SAPCD2: variants seen among roughly 807,000 people sequenced by gnomAD.
SAPCD2 encodes the protein suppressor APC domain-containing protein 2.
Under a neutral mutation model 37.8 loss-of-function variants are expected in SAPCD2, and 34 were observed. The observed-to-expected ratio is 0.90, with a 90% CI of 0.68 to 1.20. The LOEUF (loss-of-function observed/expected upper bound fraction) is 1.20. SAPCD2 is among the 50% of genes most tolerant of loss of function. The pLI is 0.00. For missense variants in SAPCD2, 572 were observed against 584.7 expected (o/e 0.98, Z 0.22); for synonymous variants, 275 against 270.3 (o/e 1.02, Z -0.17).
intron 1 of SAPCD2, among the ~76,000 whole-genome samples, chr9:137,069,044 G>A (rs968166223): frequency 1.3e-5 from 2 of 152,248 alleles, no homozygotes; most frequent in African/African-American, 4.8e-5. Flanking sequence ...GGGACCGGCA[G>A]GAGCCACCGG....
chr9:137,064,012 T>C lies in SAPCD2; in HGVS notation c.*647A>G, dbSNP rs1199829688. ...CACCCCAGGGTCTGTGGGAGGCACA[T>C]GCAGGCCAAGCTCTCGCCCACCCGG... On this transcript the variant is annotated 3_prime_UTR_variant, in exon 6 of 6. Transcript: ENST00000409687. 1 of 159,360 alleles carries C rather than the reference T, an allele frequency of 6.3e-6. No homozygotes were observed. Among genetic ancestry groups the C allele is most frequent in the African/African-American group, 2.4e-5 (1 of 41,444 alleles). 9.9% of individuals were successfully genotyped at this position (159,360 alleles called of 1,614,324 possible).
rs1408682082 is a variant in SAPCD2 at position 137,064,332 on chromosome 9, G to A, written c.*327C>T. Reference sequence around the variant, plus strand: ...TGAAGATGGGACCCAGGGCGGCACCGCTGGAAACGGGGGGACGCTAACTCA... The same window carrying A: ...TGAAGATGGGACCCAGGGCGGCACCACTGGAAACGGGGGGACGCTAACTCA... On this transcript the variant is annotated 3_prime_UTR_variant, in exon 6 of 6. Coordinates refer to ENST00000409687, the MANE Select transcript of SAPCD2 (RefSeq NM_178448.4). The A allele has an allele frequency of 7.5e-6, 3 of 398,674 alleles. No individual in the cohort carries two copies. Among genetic ancestry groups the A allele is most frequent in the Non-Finnish European group, 1.4e-5 (3 of 217,066 alleles). 24.7% of individuals were successfully genotyped at this position (398,674 alleles called of 1,614,324 possible). A position where few individuals can be genotyped will look rare whatever the true frequency, so the allele number is the denominator to read the frequency against.
chr9:137,068,882 G>C (rs552258732), intron 1 of SAPCD2, among the ~76,000 whole-genome samples: 1 of 152,250 alleles, frequency 6.6e-6, no homozygotes, highest in African/African-American at 2.4e-5. Context: ...CCTCACCATA[G>C]AACTAGGGGT....
chr9:137,068,786 G>A (rs566463270), intron 1 of SAPCD2, among the ~76,000 whole-genome samples: 2 of 152,226 alleles, frequency 1.3e-5, no homozygotes, highest in Non-Finnish European at 2.9e-5. Context: ...CGGCCACAGC[G>A]TGCAATCCCA....
chr9:137,065,475 T>TG (rs999623548), intron 3 of SAPCD2, 47 bp downstream of exon 3: 82 of 1,541,742 alleles, frequency 5.3e-5, no homozygotes, highest in Non-Finnish European at 7.0e-5. Flanking sequence ...TGGGGTGAGC[T>TG]GGGGTCCCCA....
Position 137,069,930 on chromosome 9 carries a change from G to T in SAPCD2, c.531C>A (p.Ser177=). The change falls in exon 1 of 6, where the codon TCC becomes TCA. Residue 177 remains serine, a synonymous_variant. Transcript: ENST00000409687. The stretch of plus-strand genomic sequence containing the variant: ...AGCTCGGTTCCAGCGCCGCGCTCTG[G>T]GACCGCTCGGGCTCCGCGGGGCAGG... ...AAPCPAEPER[S]QSAALEPSSS... is the part of the protein sequence containing the mutation. 1 of 1,279,650 alleles carries T rather than the reference G, an allele frequency of 7.8e-7. No homozygotes were observed. Among genetic ancestry groups the T allele is most frequent in the South Asian group, 2.5e-5 (1 of 39,846 alleles). The allele number at this position is 1,279,650 out of a possible 1,614,324, so 79.3% of individuals were successfully genotyped here.
intron 1 of SAPCD2, among the ~76,000 whole-genome samples, 189 bp downstream of exon 1, chr9:137,069,701 C>T (rs563019335): frequency 2.0e-5 from 3 of 152,324 alleles, no homozygotes; most frequent in South Asian, 4.1e-4. Context: ...CCCCTGGGCT[C>T]ACCGCGACAA....
rs1832612302 is a variant in SAPCD2 at position 137,070,556 on chromosome 9, G to T, written c.-96C>A. The stretch of plus-strand genomic sequence containing the variant: ...GCGAGCTCAGCCCACGGCGACAATA[G>T]CGACTACTTTTGAATGGGGCCCTCC... On this transcript the variant is annotated 5_prime_UTR_variant, in exon 1 of 6. Coordinates refer to ENST00000409687, the MANE Select transcript of SAPCD2 (RefSeq NM_178448.4). 1 of 772,624 alleles carries T rather than the reference G, an allele frequency of 1.3e-6. No homozygotes were observed. Among genetic ancestry groups the T allele is most frequent in the African/African-American group, 1.8e-5 (1 of 54,470 alleles). The allele number at this position is 772,624 out of a possible 1,614,324, so 47.9% of individuals were successfully genotyped here. A position where few individuals can be genotyped will look rare whatever the true frequency, so the allele number is the denominator to read the frequency against.
intron 1 of SAPCD2, 129 bp downstream of exon 1, chr9:137,069,761 G>C: frequency 4.8e-6 from 3 of 623,406 alleles, no homozygotes; most frequent in African/African-American, 1.9e-5. Flanking sequence ...CCAGGATCCG[G>C]AGTCCACGAA....
At position 137,066,871 on chromosome 9, in the gene SAPCD2, G is replaced by A. The variant is rs181050864; in HGVS notation, c.572-497C>T. Among the ~76,000 whole-genome samples, 14 of 152,304 alleles carry A rather than the reference G, an allele frequency of 9.2e-5. No homozygotes were observed. The East Asian group carries it at 1.7e-3, about 19-fold the overall frequency. On this transcript the variant is annotated intron_variant, in intron 1 of 5. Coordinates refer to ENST00000409687, the MANE Select transcript of SAPCD2 (RefSeq NM_178448.4). ...GTGACTCTGATAGAAAGTTAGTCCCGCATGGCCGGGCACAGTGGCTCACGC... is the reference window on the plus strand; with the variant it reads ...GTGACTCTGATAGAAAGTTAGTCCCACATGGCCGGGCACAGTGGCTCACGC...
chr9:137,064,489 G>A lies in SAPCD2; in HGVS notation c.*170C>T. The A allele has an allele frequency of 2.7e-6, 2 of 729,954 alleles. No homozygotes were observed. Among genetic ancestry groups the A allele is most frequent in the Admixed American group, 2.9e-5 (1 of 34,726 alleles). 45.2% of individuals were successfully genotyped at this position (729,954 alleles called of 1,614,324 possible). A position where few individuals can be genotyped will look rare whatever the true frequency, so the allele number is the denominator to read the frequency against. ...AGCGCTCGGTGCGGGGACCAGCCGG[G>A]GGCAGGCCTGGGGAGCCCATCTGGC... On this transcript the variant is annotated 3_prime_UTR_variant, in exon 6 of 6. Transcript: ENST00000409687.
At position 137,063,259 on chromosome 9, in the gene SAPCD2, C is replaced by T. The variant is rs1832486477; in HGVS notation, c.*1400G>A. 1 of 152,338 alleles carries T rather than the reference C, an allele frequency of 6.6e-6. No individual in the cohort carries two copies. The highest frequency in any genetic ancestry group is 1.5e-5 in the Non-Finnish European group (1 of 68,120). The allele number at this position is 152,338 out of a possible 1,614,324, so 9.4% of individuals were successfully genotyped here. Reference sequence around the variant, plus strand: ...CAGCTGCATGCTGGGCTGACTTGGGCCTGTCCTGGGACACCCCTGCAGACC... The same window carrying T: ...CAGCTGCATGCTGGGCTGACTTGGGTCTGTCCTGGGACACCCCTGCAGACC... On this transcript the variant is annotated 3_prime_UTR_variant, in exon 6 of 6. Coordinates refer to ENST00000409687, the MANE Select transcript of SAPCD2 (RefSeq NM_178448.4).
chr9:137,065,914 C>T (rs1251107647), intron 2 of SAPCD2, among the ~76,000 whole-genome samples: 1 of 152,232 alleles, frequency 6.6e-6, no homozygotes, highest in Non-Finnish European at 1.5e-5. Flanking sequence ...TTAGCCCCTC[C>T]ACTCAGGCTT....
Position 137,070,419 on chromosome 9 carries a change from G to C in SAPCD2, c.42C>G (p.Pro14=). 1 of 1,298,642 alleles carries C rather than the reference G, an allele frequency of 7.7e-7. No individual in the cohort carries two copies. Among genetic ancestry groups the C allele is most frequent in the Non-Finnish European group, 9.8e-7 (1 of 1,023,384 alleles). The allele number at this position is 1,298,642 out of a possible 1,614,324, so 80.4% of individuals were successfully genotyped here. ...AAMAERGRVP[P]PAPAPSTEGL... Reference sequence around the variant, plus strand: ...CCTCCGTGCTGGGCGCGGGTGCGGGGGGAGGCACGCGGCCCCGCTCGGCCA... The same window carrying C: ...CCTCCGTGCTGGGCGCGGGTGCGGGCGGAGGCACGCGGCCCCGCTCGGCCA... The change falls in exon 1 of 6, where the codon CCC becomes CCG. Residue 14 remains proline, a synonymous_variant. Transcript: ENST00000409687.
intron 2 of SAPCD2, 76 bp from the exon 3 acceptor site, chr9:137,065,744 G>A (rs1832536569): frequency 1.3e-6 from 2 of 1,506,464 alleles, no homozygotes; most frequent in Non-Finnish European, 1.8e-6. Context: ...GAGCTCACCT[G>A]TGGGTGGGCA....
rs1352485184 is a variant in SAPCD2, at chr9:137,070,085, C to A, written c.376G>T (p.Ala126Ser). ...ACCGTCCGCGGCTCGTCGGCCGGAGCGAACACCAGGCGCTGCGGCGGCGGC... is the reference window on the plus strand; with the variant it reads ...ACCGTCCGCGGCTCGTCGGCCGGAGAGAACACCAGGCGCTGCGGCGGCGGC... ...PPPPPQRLVF[A>S]PADEPRTVLE... Residue 126 changes from alanine (A) to serine (S), a missense_variant, in exon 1 of 6, where the codon GCT (alanine) becomes TCT (serine). Coordinates refer to ENST00000409687, the MANE Select transcript of SAPCD2 (RefSeq NM_178448.4). 1.1e-5 allele frequency: 13 copies of A among 1,193,010 alleles called. No individual in the cohort carries two copies. The highest frequency in any genetic ancestry group is 3.4e-4 in the Middle Eastern group (1 of 2,972). The allele number at this position is 1,193,010 out of a possible 1,614,324, so 73.9% of individuals were successfully genotyped here.
rs561896552 is a variant in SAPCD2 at position 137,066,128 on chromosome 9, T to A, written c.684+134A>T. The A allele has an allele frequency of 2.8e-5, 21 of 743,480 alleles. 1 individual carries two copies. In the South Asian group the frequency reaches 3.5e-4, roughly 12 times the overall value. 46.1% of individuals were successfully genotyped at this position (743,480 alleles called of 1,614,324 possible). A position where few individuals can be genotyped will look rare whatever the true frequency, so the allele number is the denominator to read the frequency against. ...TCCCTCCAGGGGAGTCAAGCCCAGG[T>A]AGGGAGAGAGATGTCCAGAGCTGAC... On this transcript the variant is annotated intron_variant, in intron 2 of 5. Transcript: ENST00000409687.
At chr9:137,069,720 C>A (rs1260274027) in intron 1 of SAPCD2, among the ~76,000 whole-genome samples, 170 bp downstream of exon 1, 1 of 152,232 alleles carries the variant, frequency 6.6e-6, no homozygotes, top group East Asian at 1.9e-4. Flanking sequence ...AAGCATGAAG[C>A]CCTTTCCCTC....
chr9:137,070,078 G>A lies in SAPCD2; in HGVS notation c.383C>T (p.Ala128Val). The A allele has an allele frequency of 8.4e-7, 1 of 1,193,400 alleles. No individual in the cohort carries two copies. The highest frequency in any genetic ancestry group is 1.0e-6 in the Non-Finnish European group (1 of 963,424). The allele number at this position is 1,193,400 out of a possible 1,614,324, so 73.9% of individuals were successfully genotyped here. ...PPPQRLVFAP[A>V]DEPRTVLERK... ...CTCCAGGACCGTCCGCGGCTCGTCG[G>A]CCGGAGCGAACACCAGGCGCTGCGG... The change falls in exon 1 of 6, where the codon GCC (alanine) becomes GTC (valine). Residue 128 changes from alanine (A) to valine (V), a missense_variant. Coordinates refer to ENST00000409687, the MANE Select transcript of SAPCD2 (RefSeq NM_178448.4).
Sources: allele counts gnomAD v4.1 joint callset (sites outside exome capture counted in the v4.1 genomes callset), GRCh38; gene constraint gnomAD v4.1.1; transcripts MANE v1.5; gene names NCBI Gene and HGNC (gene_info 2026-07-23, HGNC 2026-07-21).